Variants in ABL1 observed in about 807,000 individuals in gnomAD.
ABL1 encodes tyrosine-protein kinase ABL1.
In ABL1, 11 loss-of-function variants were observed where a neutral mutation model predicts 94.7. The ratio of observed to expected loss-of-function variants is 0.12; its 90% CI spans 0.07 to 0.19. The LOEUF (loss-of-function observed/expected upper bound fraction) is 0.19. Ranked by LOEUF, ABL1 falls within the 10% of genes least tolerant of loss-of-function variation. The pLI is 1.00. For missense variants in ABL1, 1,082 were observed against 1,489.4 expected, an observed-to-expected ratio of 0.73 and a Z score of 4.50; for synonymous variants, 656 against 622.4, an observed-to-expected ratio of 1.05 and a Z score of -0.80.
intron 1 of ABL1, among the ~76,000 whole-genome samples, chr9:130,812,264 G>A (rs533116577): frequency 2.5e-4 from 37 of 150,994 alleles, no homozygotes; most frequent in African/African-American, 8.8e-4. Context: ...AGGAGGCTAC[G>A]GTGGGAGGAT....
chr9:130,736,534 A>G (rs1831745994), intron 1 of ABL1, among the ~76,000 whole-genome samples: 1 of 152,152 alleles, frequency 6.6e-6, no homozygotes, highest in East Asian at 1.9e-4. Context: ...CTTGTTGTCC[A>G]GGCTGGAGTG....
chr9:130,877,188 T>A (rs1441647782), intron 7 of ABL1, among the ~76,000 whole-genome samples: 1 of 148,188 alleles, frequency 6.7e-6, no homozygotes, highest in African/African-American at 2.6e-5. Context: ...TCCTAGTCAT[T>A]TTGACATTAA....
intron 1 of ABL1, among the ~76,000 whole-genome samples, chr9:130,758,994 T>G (rs1440522682): frequency 6.6e-6 from 1 of 152,182 alleles, no homozygotes; most frequent in African/African-American, 2.4e-5. Context: ...GGGAAGTGCT[T>G]TGGAACCTCT....
chr9:130,812,324 G>A (rs573379612), intron 1 of ABL1, among the ~76,000 whole-genome samples: 12 of 151,580 alleles, frequency 7.9e-5, no homozygotes, highest in Non-Finnish European at 1.6e-4. Flanking sequence ...TCACACCACT[G>A]CACTCCTCCA....
chr9:130,778,370 T>A (rs1340323764), intron 1 of ABL1, among the ~76,000 whole-genome samples: 1 of 152,220 alleles, frequency 6.6e-6, no homozygotes, highest in African/African-American at 2.4e-5. Context: ...GGCTTTGTGT[T>A]GGGACACTGA....
intron 1 of ABL1, among the ~76,000 whole-genome samples, chr9:130,771,732 T>TTTTCTTTCTTTCTTTCTTTCTTTC (rs373455783): frequency 4.3e-4 from 52 of 119,728 alleles, no homozygotes; most frequent in African/African-American, 1.1e-3. Context: ...TCAAATGACT[T>TTTTCTTTCTTTCTTTCTTTCTTTC]TTTCTTTCTT....
chr9:130,805,050 G>A (rs1172631391), intron 1 of ABL1, among the ~76,000 whole-genome samples: 2 of 152,098 alleles, frequency 1.3e-5, no homozygotes, highest in Non-Finnish European at 2.9e-5. Context: ...GAATAATCTT[G>A]TTTATAACAA....
At chr9:130,857,246 C>T (rs1830988892) in intron 3 of ABL1, among the ~76,000 whole-genome samples, 1 of 152,192 alleles carries the variant, frequency 6.6e-6, no homozygotes, top group South Asian at 2.1e-4. Flanking sequence ...AGGTTATGTG[C>T]ATCACCAGGT....
chr9:130,845,395 G>A (rs977240516), intron 1 of ABL1, among the ~76,000 whole-genome samples: 3 of 151,564 alleles, frequency 2.0e-5, no homozygotes, highest in African/African-American at 4.9e-5. Context: ...AGGCTGGAGC[G>A]TGGTGATGCA....
At chr9:130,840,483 T>C (rs1277225025) in intron 1 of ABL1, among the ~76,000 whole-genome samples, 1 of 152,182 alleles carries the variant, frequency 6.6e-6, no homozygotes, top group Non-Finnish European at 1.5e-5. Context: ...AGTATAATCA[T>C]TGATCTGAAA....
At chr9:130,807,760 C>T (rs1383181728) in intron 1 of ABL1, among the ~76,000 whole-genome samples, 3 of 132,456 alleles carry the variant, frequency 2.3e-5, no homozygotes, top group East Asian at 2.3e-4. Context: ...TGCAATGGTG[C>T]GATCTCGGCT....
intron 1 of ABL1, among the ~76,000 whole-genome samples, chr9:130,774,728 C>A (rs995834565): frequency 6.6e-6 from 1 of 151,978 alleles, no homozygotes; most frequent in East Asian, 1.9e-4. Context: ...CATCTATAGT[C>A]CCAGCTACTT....
chr9:130,716,072 CTTTTTTTTTTTTTTTTT>C (rs71389339), intron 1 of ABL1, among the ~76,000 whole-genome samples: 33,195 of 92,588 alleles, frequency 0.36, 6,345 homozygotes, highest in African/African-American at 0.6. Context: ...GAAAAATGTC[CTTTTTTTTTTTTTTTTT>C]TTTTTTTTTT....
In ABL1 at chr9:130,776,406, G is replaced by A. The variant is rs182936414; in HGVS notation, c.136+61951G>A. Among the ~76,000 whole-genome samples, 393 of 152,300 alleles carry A rather than the reference G, an allele frequency of 2.6e-3. 3 individuals are homozygous for A. The highest frequency in any genetic ancestry group is 9.1e-3 in the African/African-American group (378 of 41,568). On this transcript the variant is annotated intron_variant, in intron 1 of 10. Transcript: ENST00000372348. Reference sequence around the variant, plus strand: ...ACGTCAGGCGTTCGAGACCAGCCTGGCCAACATGGCGAAACCCCGTCTCTA... The same window carrying A: ...ACGTCAGGCGTTCGAGACCAGCCTGACCAACATGGCGAAACCCCGTCTCTA...
intron 1 of ABL1, chr9:130,714,587 C>G (rs965572675): frequency 8.3e-7 from 1 of 1,210,872 alleles, no homozygotes; most frequent in Non-Finnish European, 1.2e-6. Context: ...CTGTAGTTAT[C>G]TCTTAGTGGA....
chr9:130,740,107 A>G (rs185340789), intron 1 of ABL1, among the ~76,000 whole-genome samples: 4 of 152,318 alleles, frequency 2.6e-5, no homozygotes, highest in Non-Finnish European at 4.4e-5. Flanking sequence ...CTGCATGCCA[A>G]CTTCCACTGA....
At chr9:130,811,184 AATG>A (rs1830203595) in intron 1 of ABL1, among the ~76,000 whole-genome samples, 1 of 152,276 alleles carries the variant, frequency 6.6e-6, no homozygotes, top group East Asian at 1.9e-4. Context: ...GCAGAAAGAG[AATG>A]ATAACTGGTA....
chr9:130,795,350 G>A (rs1829961142), intron 1 of ABL1, among the ~76,000 whole-genome samples: 1 of 152,216 alleles, frequency 6.6e-6, no homozygotes, highest in African/African-American at 2.4e-5. Context: ...GTTCCTGGAA[G>A]TGGTTCCAGA....
chr9:130,764,238 C>T (rs897725229), intron 1 of ABL1, among the ~76,000 whole-genome samples: 1 of 152,156 alleles, frequency 6.6e-6, no homozygotes, highest in Non-Finnish European at 1.5e-5. Context: ...CTGAGCTTAC[C>T]CCAGAAACCA....
Sources: allele counts gnomAD v4.1 joint callset (sites outside exome capture counted in the v4.1 genomes callset), GRCh38; gene constraint gnomAD v4.1.1; transcripts MANE v1.5; gene names NCBI Gene and HGNC (gene_info 2026-07-23, HGNC 2026-07-21).